Variants in SUGCT observed in about 807,000 individuals in gnomAD.
The protein encoded by SUGCT is succinyl-CoA:glutarate-CoA transferase.
In SUGCT, 41 loss-of-function variants were observed where a neutral mutation model predicts 55.0. The observed-to-expected ratio is 0.74, with a 90% CI of 0.58 to 0.97. The LOEUF (loss-of-function observed/expected upper bound fraction) is 0.97. SUGCT is among the 50% of genes least tolerant of loss of function. SUGCT has a pLI of 0.00. For missense variants in SUGCT, 568 were observed against 547.8 expected (o/e 1.04, Z -0.37); for synonymous variants, 187 against 200.4 (o/e 0.93, Z 0.56).
intron 9 of SUGCT, among the ~76,000 whole-genome samples, chr7:40,326,383 A>T (rs1016563502): frequency 6.6e-6 from 1 of 152,334 alleles, no homozygotes; most frequent in South Asian, 2.1e-4. Context: ...ACTAATAATT[A>T]TAGCTTTTGT....
At chr7:40,678,150 GA>G (rs1258054182) in intron 12 of SUGCT, among the ~76,000 whole-genome samples, 3 of 152,288 alleles carry the variant, frequency 2.0e-5, no homozygotes, top group Non-Finnish European at 4.4e-5. Flanking sequence ...GTATTTTATT[GA>G]AAACAGAGGT....
intron 9 of SUGCT, among the ~76,000 whole-genome samples, chr7:40,358,238 G>T (rs1797972433): frequency 1.3e-5 from 2 of 152,116 alleles, no homozygotes; most frequent in African/African-American, 2.4e-5. Flanking sequence ...ATAGGGAGAG[G>T]TTATACCTGA....
intron 13 of SUGCT, among the ~76,000 whole-genome samples, chr7:40,827,473 G>A (rs1284120933): frequency 1.3e-5 from 2 of 152,196 alleles, no homozygotes; most frequent in Non-Finnish European, 2.9e-5. Flanking sequence ...TTTAGAGGCT[G>A]AAGTGTCATT....
chr7:40,576,297 C>G (rs899435474), intron 12 of SUGCT, among the ~76,000 whole-genome samples: 3 of 152,170 alleles, frequency 2.0e-5, no homozygotes, highest in African/African-American at 7.2e-5. Flanking sequence ...TGTTTGATTA[C>G]TATTTGTCTT....
chr7:40,324,931 G>C (rs1271639813), intron 9 of SUGCT, among the ~76,000 whole-genome samples: 1 of 152,160 alleles, frequency 6.6e-6, no homozygotes, highest in Non-Finnish European at 1.5e-5. Context: ...TCTAACTCAA[G>C]AGGTTGAAGA....
intron 12 of SUGCT, among the ~76,000 whole-genome samples, chr7:40,516,270 A>G (rs1793227671): frequency 6.6e-6 from 1 of 152,188 alleles, no homozygotes; most frequent in Non-Finnish European, 1.5e-5. Flanking sequence ...TGCAAATATT[A>G]TCTTCCATTC....
intron 12 of SUGCT, among the ~76,000 whole-genome samples, chr7:40,514,578 C>A (rs1287377554): frequency 6.6e-6 from 1 of 151,818 alleles, no homozygotes; most frequent in Non-Finnish European, 1.5e-5. Context: ...TGTGTGGTGG[C>A]ACATGACTGT....
At position 40,304,601 on chromosome 7, in the gene SUGCT, T is replaced by G. The variant is rs758315749; in HGVS notation, c.721-12159T>G. Among the ~76,000 whole-genome samples, 220 of 151,394 alleles carry G rather than the reference T, an allele frequency of 1.5e-3. 3 individuals are homozygous for G. The highest frequency in any genetic ancestry group is 7.8e-4 in the East Asian group (4 of 5,156). ...TCCCTCACCACCCCCCACCCTTTCC[T>G]GCAAGTCCCCAAAGTCCAGCATATC... On this transcript the variant is annotated intron_variant, in intron 8 of 13. Transcript: ENST00000335693.
At chr7:40,908,936 A>G in the SUGCT span, among the ~76,000 whole-genome samples, 1,928 of 152,218 alleles carry the variant, frequency 0.013, 51 homozygotes, top group African/African-American at 0.045. Flanking sequence ...ATGACCATGG[A>G]TGGTATGGTT....
chr7:40,846,580 A>G (rs1402477293), intron 13 of SUGCT, among the ~76,000 whole-genome samples: 1 of 152,242 alleles, frequency 6.6e-6, no homozygotes, highest in Non-Finnish European at 1.5e-5. Context: ...CAAGATAGAT[A>G]AATCAAATAC....
intron 12 of SUGCT, among the ~76,000 whole-genome samples, chr7:40,649,581 T>A (rs1222909817): frequency 6.6e-6 from 1 of 152,252 alleles, no homozygotes; most frequent in Non-Finnish European, 1.5e-5. Context: ...TTTTCAGATT[T>A]CTTTTGGACA....
At chr7:40,397,115 A>C (rs182776581) in intron 9 of SUGCT, among the ~76,000 whole-genome samples, 125 of 152,334 alleles carry the variant, frequency 8.2e-4, no homozygotes, top group Non-Finnish European at 1.4e-3. Context: ...TTAAAAATGC[A>C]TGCAGAGTGG....
intron 7 of SUGCT, among the ~76,000 whole-genome samples, chr7:40,247,557 C>T (rs1247277796): frequency 1.3e-5 from 2 of 152,102 alleles, no homozygotes; most frequent in Non-Finnish European, 1.5e-5. Context: ...TGTGCCTGGC[C>T]AGTCTTTTAA....
chr7:40,466,355 A>G (rs550614330), intron 11 of SUGCT, among the ~76,000 whole-genome samples: 3 of 152,120 alleles, frequency 2.0e-5, no homozygotes, highest in Non-Finnish European at 4.4e-5. Context: ...CCATATACTC[A>G]TTACTTGACA....
the SUGCT span, among the ~76,000 whole-genome samples, chr7:41,024,767 CT>C: frequency 0.38 from 57,021 of 151,796 alleles, 11,209 homozygotes; most frequent in South Asian, 0.44. Flanking sequence ...GTACAGCCCC[CT>C]GAGTGGATAT....
At chr7:40,876,428 A>G in the SUGCT span, among the ~76,000 whole-genome samples, 1 of 152,220 alleles carries the variant, frequency 6.6e-6, no homozygotes, top group Admixed American at 6.5e-5. Flanking sequence ...CTGTCTGTCA[A>G]TTTATTCCCT....
chr7:40,346,261 G>T (rs746649752), intron 9 of SUGCT, among the ~76,000 whole-genome samples: 2 of 151,884 alleles, frequency 1.3e-5, no homozygotes, highest in Non-Finnish European at 2.9e-5. Flanking sequence ...CAATTTTATT[G>T]ACTGTGTTTT....
intron 12 of SUGCT, among the ~76,000 whole-genome samples, chr7:40,602,177 G>A (rs992753927): frequency 6.6e-6 from 1 of 152,084 alleles, no homozygotes; most frequent in African/African-American, 2.4e-5. Flanking sequence ...TCAAACCATG[G>A]TTATATACTT....
the SUGCT span, among the ~76,000 whole-genome samples, chr7:40,924,422 G>T: frequency 6.6e-6 from 1 of 152,062 alleles, no homozygotes; most frequent in African/African-American, 2.4e-5. Flanking sequence ...GATAATTTTT[G>T]TATTTTTAGT....
Sources: gnomAD v4.1 joint callset for allele counts (sites outside exome capture counted in the v4.1 genomes callset) on GRCh38, gnomAD v4.1.1 for gene constraint, MANE v1.5 for transcripts, NCBI Gene and HGNC (gene_info 2026-07-23, HGNC 2026-07-21) for gene names.